Variants in TLL2 observed in about 807,000 individuals in gnomAD.
The protein encoded by TLL2 is tolloid-like protein 2.
TLL2 carries 106 observed loss-of-function variants against 123.0 expected under a neutral mutation model. The ratio of observed to expected loss-of-function variants is 0.86; its 90% CI spans 0.74 to 1.01. The LOEUF is 1.01. Ranked by LOEUF, TLL2 falls within the 50% of genes least tolerant of loss-of-function variation. The pLI is 0.00. For missense variants in TLL2, 1,332 were observed against 1,336.7 expected, an observed-to-expected ratio of 1.00 and a Z score of 0.06; for synonymous variants, 494 against 516.8, an observed-to-expected ratio of 0.96 and a Z score of 0.60.
chr10:96,503,341 C>T (rs563078010), intron 1 of TLL2, among the ~76,000 whole-genome samples: 13 of 152,222 alleles, frequency 8.5e-5, no homozygotes, highest in African/African-American at 1.7e-4. Flanking sequence ...CTAAACACTT[C>T]GTGTTCACTG....
At chr10:96,456,659 C>T (rs1044622496) in intron 2 of TLL2, among the ~76,000 whole-genome samples, 3 of 152,198 alleles carry the variant, frequency 2.0e-5, no homozygotes, top group Non-Finnish European at 4.4e-5. Flanking sequence ...CCCTTCAATT[C>T]GGGCTGAGCT....
At chr10:96,446,770 C>T (rs139977136) in intron 2 of TLL2, among the ~76,000 whole-genome samples, 162 of 152,280 alleles carry the variant, frequency 1.1e-3, no homozygotes, top group Admixed American at 2.0e-3. Flanking sequence ...TTGCTAGTAG[C>T]CATCATTTAT....
At chr10:96,512,808 C>T (rs1177043033) in intron 1 of TLL2, among the ~76,000 whole-genome samples, 1 of 152,242 alleles carries the variant, frequency 6.6e-6, no homozygotes, top group African/African-American at 2.4e-5. Flanking sequence ...ATCAGTGGCC[C>T]CGAGGAAGCG....
chr10:96,470,888 TCA>T (rs1847172612), intron 2 of TLL2, among the ~76,000 whole-genome samples: 1 of 152,260 alleles, frequency 6.6e-6, no homozygotes. Context: ...GTACTTGTTC[TCA>T]TTCTTTCACT....
chr10:96,405,316 A>C lies in TLL2; in HGVS notation c.1183T>G (p.Ser395Ala), dbSNP rs1846439338. 6.2e-7 allele frequency: 1 copy of C among 1,614,020 alleles called. No individual in the cohort carries two copies. Among genetic ancestry groups the C allele is most frequent in the African/African-American group, 1.3e-5 (1 of 74,902 alleles). ...PGEKIVLNFT[S>A]MDLFKSRLCW... ...AGTCGGCTTTTAAACAAATCCATGGATGTGAAGTTTAATACGATCTGTAAA... is the reference window on the plus strand; with the variant it reads ...AGTCGGCTTTTAAACAAATCCATGGCTGTGAAGTTTAATACGATCTGTAAA... The change falls in exon 10 of 21, where the codon TCC (serine) becomes GCC (alanine). Residue 395 changes from serine (S) to alanine (A), a missense_variant. Coordinates refer to ENST00000357947, the MANE Select transcript of TLL2 (RefSeq NM_012465.4).
At chr10:96,497,895 T>C (rs1240064440) in intron 1 of TLL2, among the ~76,000 whole-genome samples, 1 of 152,256 alleles carries the variant, frequency 6.6e-6, no homozygotes, top group Non-Finnish European at 1.5e-5. Context: ...GATGACTACT[T>C]TGGCCTATGC....
At chr10:96,495,528 G>A (rs1847463534) in intron 1 of TLL2, among the ~76,000 whole-genome samples, 1 of 152,028 alleles carries the variant, frequency 6.6e-6, no homozygotes, top group African/African-American at 2.4e-5. Flanking sequence ...ATGTTCTTTT[G>A]TAGTTCCACG....
chr10:96,506,258 AAAAAAAAG>A lies in TLL2; in HGVS notation c.175+7245_175+7252del, dbSNP rs1348140335. 6.6e-5 allele frequency among the ~76,000 whole-genome samples: 9 copies of A among 136,924 alleles called. No individual in the cohort carries two copies. The South Asian group carries it at 6.9e-4, about 11-fold the overall frequency. 89.8% of individuals were successfully genotyped at this position (136,924 alleles called of 152,430 possible). A position where few individuals can be genotyped will look rare whatever the true frequency, so the allele number is the denominator to read the frequency against. ...CAGAGCGAGACCCCATCTCAAAAAA[AAAAAAAAG>A]AAAAAAAAAAAAGAAAAAAGGAAAG... On this transcript the variant is annotated intron_variant, in intron 1 of 20. Coordinates refer to ENST00000357947, the MANE Select transcript of TLL2 (RefSeq NM_012465.4).
At position 96,395,913 on chromosome 10, in the gene TLL2, CT is replaced by C. The variant is rs1846335188; in HGVS notation, c.1491del (p.Glu498ArgfsTer37). On this transcript the variant is annotated frameshift_variant, in exon 12 of 21. Coordinates refer to ENST00000357947, the MANE Select transcript of TLL2 (RefSeq NM_012465.4). LOFTEE classifies it high-confidence loss of function. ...AAGGTAAGTCCCACGTGAAACCCCT[CT>C]GAAACCGTAATCCTCCAGACACATT... Reference protein sequence around the residue: ...SKECVWRITVSEGFHVGLTFQ... With the variant: ...SKECVWRITVXEGFHVGLTFQ... 6.2e-7 allele frequency: 1 copy of C among 1,614,094 alleles called. No individual in the cohort carries two copies.
chr10:96,445,964 T>C, intron 3 of TLL2, 127 bp downstream of exon 3: 1 of 945,654 alleles, frequency 1.1e-6, no homozygotes, highest in Non-Finnish European at 1.7e-6. Context: ...AATGGTTACA[T>C]AGCATTGTGA....
chr10:96,430,260 G>A (rs117347753), intron 4 of TLL2, among the ~76,000 whole-genome samples: 3,449 of 152,256 alleles, frequency 0.023, 64 homozygotes, highest in Non-Finnish European at 0.034. Context: ...AGATTTGGTT[G>A]TTTAAAAGTG....
chr10:96,414,941 A>G (rs1289217611), intron 7 of TLL2, among the ~76,000 whole-genome samples: 2 of 152,074 alleles, frequency 1.3e-5, no homozygotes, highest in African/African-American at 4.8e-5. Flanking sequence ...CAAGTGATCA[A>G]CACCCCATTC....
rs1230894948 is a variant in TLL2, at chr10:96,476,873, C to CACACACACACAG, written c.286+3475_286+3476insCTGTGTGTGTGT. On this transcript the variant is annotated intron_variant, in intron 2 of 20. Transcript: ENST00000357947. ...CTTTTATGTTACACACACACACACACACACACACACACACACACACACACG... is the reference window on the plus strand; with the variant it reads ...CTTTTATGTTACACACACACACACACACACACACACAGACACACACACACACACACACACACG... 7.0e-4 allele frequency among the ~76,000 whole-genome samples: 97 copies of CACACACACACAG among 138,776 alleles called. 1 individual carries two copies. The highest frequency in any genetic ancestry group is 1.4e-3 in the East Asian group (6 of 4,204). The allele number at this position is 138,776 out of a possible 152,430, so 91.0% of individuals were successfully genotyped here.
chr10:96,381,241 C>G (rs888904420), intron 16 of TLL2, among the ~76,000 whole-genome samples: 1 of 152,232 alleles, frequency 6.6e-6, no homozygotes, highest in African/African-American at 2.4e-5. Context: ...CCTCCCAGCT[C>G]TACACTGCCT....
intron 2 of TLL2, among the ~76,000 whole-genome samples, chr10:96,473,048 GCC>G (rs11433390): frequency 6.6e-6 from 1 of 151,728 alleles, no homozygotes; most frequent in South Asian, 2.1e-4. Flanking sequence ...GGTTCCATCA[GCC>G]CCCCCCAATC....
At chr10:96,387,318 G>A (rs1846245759) in intron 13 of TLL2, among the ~76,000 whole-genome samples, 1 of 152,224 alleles carries the variant, frequency 6.6e-6, no homozygotes, top group Non-Finnish European at 1.5e-5. Flanking sequence ...TCTGCCAAGA[G>A]AAGGCCAGGC....
chr10:96,431,801 G>A (rs191413021), intron 4 of TLL2, among the ~76,000 whole-genome samples: 2 of 152,186 alleles, frequency 1.3e-5, no homozygotes, highest in Non-Finnish European at 2.9e-5. Flanking sequence ...CTGGTGGGGG[G>A]AGGGCAGAAG....
chr10:96,381,973 G>A (rs980110163), intron 16 of TLL2, among the ~76,000 whole-genome samples: 6 of 152,174 alleles, frequency 3.9e-5, no homozygotes, highest in Admixed American at 3.3e-4. Context: ...CTTGTAAACA[G>A]TTCACCCTCT....
chr10:96,376,585 G>T, intron 18 of TLL2, 107 bp downstream of exon 18: 2 of 1,224,586 alleles, frequency 1.6e-6, no homozygotes, highest in Non-Finnish European at 2.3e-6. Context: ...TGGAAATGTT[G>T]AGTAACTTCC....
Sources: allele counts gnomAD v4.1 joint callset (sites outside exome capture counted in the v4.1 genomes callset), GRCh38; gene constraint gnomAD v4.1.1; transcripts MANE v1.5; gene names NCBI Gene and HGNC (gene_info 2026-07-23, HGNC 2026-07-21).